Variants in PADI6 observed in about 807,000 individuals in gnomAD.
The protein encoded by PADI6 is inactive protein-arginine deiminase type-6.
Under a neutral mutation model 78.2 loss-of-function variants are expected in PADI6, and 66 were observed. That is an observed-to-expected ratio of 0.84 (90% CI 0.69 to 1.04). The LOEUF (loss-of-function observed/expected upper bound fraction) is 1.04. Ranked by LOEUF, PADI6 falls within the 50% of genes least tolerant of loss-of-function variation. The pLI is 0.00. For missense variants in PADI6, 854 were observed against 866.1 expected (o/e 0.99, Z 0.18); for synonymous variants, 397 against 346.9 (o/e 1.14, Z -1.60).
intron 3 of PADI6, 38 bp downstream of exon 3, chr1:17,375,537 C>T (rs1162959532): frequency 6.5e-7 from 1 of 1,547,698 alleles, no homozygotes; most frequent in Middle Eastern, 1.7e-4. Flanking sequence ...GGGCCCAACT[C>T]ACCGCTGGGG....
chr1:17,382,208 C>T, intron 6 of PADI6, 116 bp downstream of exon 6: 1 of 1,292,540 alleles, frequency 7.7e-7, no homozygotes, highest in Non-Finnish European at 1.1e-6. Context: ...CCTAGAGCTG[C>T]AGATGAGAGG....
At chr1:17,398,974 G>C in intron 15 of PADI6, 127 bp downstream of exon 15, 1 of 1,078,438 alleles carries the variant, frequency 9.3e-7, no homozygotes, top group South Asian at 1.6e-5. Context: ...AAATGGGAGG[G>C]AGACCCCTTC....
At chr1:17,397,245 C>T (rs572581876) in intron 14 of PADI6, 104 bp downstream of exon 14, 97 of 1,240,670 alleles carry the variant, frequency 7.8e-5, no homozygotes, top group Middle Eastern at 2.2e-4. Context: ...TGTTGGGCGG[C>T]GGGGGGCAGC....
chr1:17,394,547 A>G (rs1557607952), intron 11 of PADI6, 93 bp downstream of exon 11: 6 of 1,349,192 alleles, frequency 4.4e-6, no homozygotes, highest in African/African-American at 1.5e-5. Flanking sequence ...TCAGCAGGTC[A>G]CACACACTGG....
intron 5 of PADI6, among the ~76,000 whole-genome samples, chr1:17,381,447 G>A (rs1274020842): frequency 6.6e-6 from 1 of 152,180 alleles, no homozygotes; most frequent in Non-Finnish European, 1.5e-5. Flanking sequence ...GTAAAATGGG[G>A]ATGATGCAGT....
In PADI6 at chr1:17,381,984, C is replaced by G. The variant is rs750559850; in HGVS notation, c.571C>G (p.Gln191Glu). The G allele has an allele frequency of 1.5e-5, 25 of 1,613,956 alleles. No homozygotes were observed. Among genetic ancestry groups the G allele is most frequent in the Non-Finnish European group, 2.1e-5 (25 of 1,179,852 alleles). ...IFSEEITNLS[Q>E]MTLNVQGPSC... is the part of the protein sequence containing the mutation. ...TTGCCCAGAAATAACGAATCTGTCC[C>G]AGATGACTCTGAATGTCCAAGGCCC... The change falls in exon 6 of 16, where the codon CAG (glutamine) becomes GAG (glutamate). Residue 191 changes from glutamine to glutamate, a missense_variant. By Grantham distance (29) the Gln-to-Glu change is conservative. Transcript: ENST00000619609.
Position 17,372,196 on chromosome 1 carries a change from G to A in PADI6, c.-50G>A, listed in dbSNP as rs1343158970. 15 of 1,524,462 alleles carry A rather than the reference G, an allele frequency of 9.8e-6. No homozygotes were observed. In the East Asian group the frequency reaches 3.2e-4, roughly 32 times the overall value. 94.4% of individuals were successfully genotyped at this position (1,524,462 alleles called of 1,614,324 possible). A position where few individuals can be genotyped will look rare whatever the true frequency, so the allele number is the denominator to read the frequency against. On this transcript the variant is annotated 5_prime_UTR_variant, in exon 1 of 16. Coordinates refer to ENST00000619609, the MANE Select transcript of PADI6 (RefSeq NM_207421.4). ...ACAGGGAAGGGCAGGGTGAGCCCTG[G>A]GGCGTCTGAGGCTGCTGTGCTGAGT... is the stretch of plus-strand genomic sequence containing the variant.
Position 17,397,080 on chromosome 1 carries a change from C to T in PADI6, c.1628C>T (p.Ala543Val), listed in dbSNP as rs1437646390. ...ADQLLSNGREAKTIDQLLADE... is the reference protein window; with the variant it reads ...ADQLLSNGREVKTIDQLLADE... ...CCGCTTCTTCCTACAGGAAGGGAAG[C>T]CAAAACCATCGACCAACTTCTGGCT... The change falls in exon 14 of 16, where the codon GCC becomes GTC. Residue 543 changes from alanine (A) to valine (V), a missense_variant. Coordinates refer to ENST00000619609, the MANE Select transcript of PADI6 (RefSeq NM_207421.4). 2.5e-6 allele frequency: 4 copies of T among 1,613,772 alleles called. No individual in the cohort carries two copies. The Admixed American group carries it at 6.7e-5, about 27-fold the overall frequency.
chr1:17,394,177 C>T (rs1203823200), intron 10 of PADI6, 95 bp downstream of exon 10: 21 of 1,518,000 alleles, frequency 1.4e-5, no homozygotes, highest in Non-Finnish European at 1.9e-5. Context: ...GGAGAGGGCC[C>T]AGGTGGCCTC....
chr1:17,388,582 T>TCC (rs1444438791), intron 7 of PADI6, 23 bp downstream of exon 7: 2 of 1,583,108 alleles, frequency 1.3e-6, no homozygotes, highest in Non-Finnish European at 1.7e-6. Flanking sequence ...AATAGATGGG[T>TCC]CCTCAGACTA....
chr1:17,401,395 G>T lies in PADI6; in HGVS notation c.2042G>T (p.Arg681Leu). The T allele has an allele frequency of 6.2e-7, 1 of 1,614,040 alleles. No homozygotes were observed. The highest frequency in any genetic ancestry group is 8.5e-7 in the Non-Finnish European group (1 of 1,179,898). The change falls in exon 16 of 16, where the codon CGC becomes CTC. Residue 681 changes from arginine to leucine, a missense_variant. By Grantham distance (102) the Arg-to-Leu change is moderately radical (BLOSUM62 -2). Coordinates refer to ENST00000619609, the MANE Select transcript of PADI6 (RefSeq NM_207421.4). Reference sequence around the variant, plus strand: ...GACATCTGTGCCTGTGCCAACATCCGCCGGGTGCCCTTTGCCTTCAAATGG... The same window carrying T: ...GACATCTGTGCCTGTGCCAACATCCTCCGGGTGCCCTTTGCCTTCAAATGG... Reference protein sequence around the residue: ...VGDICACANIRRVPFAFKWWK... With the variant: ...VGDICACANILRVPFAFKWWK...
chr1:17,381,312 C>G (rs1322932041), intron 5 of PADI6, 148 bp downstream of exon 5: 3 of 651,488 alleles, frequency 4.6e-6, no homozygotes, highest in Admixed American at 6.0e-5. Flanking sequence ...ACCTTTTGTC[C>G]TGAGTTGTAG....
chr1:17,378,038 T>TC (rs1430856529), intron 3 of PADI6, among the ~76,000 whole-genome samples: 2 of 152,230 alleles, frequency 1.3e-5, no homozygotes, highest in Non-Finnish European at 2.9e-5. Flanking sequence ...TGTTGGCCAC[T>TC]CTAACCCTTG....
intron 6 of PADI6, among the ~76,000 whole-genome samples, 197 bp downstream of exon 6, chr1:17,382,289 A>AT (rs1405276457): frequency 6.6e-6 from 1 of 152,146 alleles, no homozygotes; most frequent in Non-Finnish European, 1.5e-5. Context: ...ATCTGTACAC[A>AT]TGGGTGAGTT....
At chr1:17,390,681 C>T (rs2075173294) in intron 8 of PADI6, among the ~76,000 whole-genome samples, 1 of 151,908 alleles carries the variant, frequency 6.6e-6, no homozygotes, top group Non-Finnish European at 1.5e-5. Flanking sequence ...GGCAGGGCTC[C>T]TGGGGAGTGT....
rs1162541531 is a variant in PADI6, at chr1:17,398,607, T to A, written c.1690-79T>A. 25 of 885,348 alleles carry A rather than the reference T, an allele frequency of 2.8e-5. No homozygotes were observed. The South Asian group carries it at 4.1e-4, about 15-fold the overall frequency. 54.8% of individuals were successfully genotyped at this position (885,348 alleles called of 1,614,324 possible). On this transcript the variant is annotated intron_variant, in intron 14 of 15. Transcript: ENST00000619609. ...GTCAGGCCATCACCTACCTTCAGTA[T>A]GGAAGGAAACTGGTTTTAATTCCTG... is the stretch of plus-strand genomic sequence containing the variant.
chr1:17,397,215 A>C (rs2075255750), intron 14 of PADI6, 74 bp downstream of exon 14: 1 of 1,538,068 alleles, frequency 6.5e-7, no homozygotes, highest in Non-Finnish European at 8.9e-7. Flanking sequence ...GTTTCCACCC[A>C]CCCCTCCTGA....
intron 14 of PADI6, 47 bp downstream of exon 14, chr1:17,397,188 G>GGCAC: frequency 6.3e-7 from 1 of 1,594,384 alleles, no homozygotes; most frequent in Non-Finnish European, 8.6e-7. Context: ...AGCTGGTGCC[G>GGCAC]CAGGTCTTGC....
At chr1:17,380,852 C>G (rs1397317787) in intron 4 of PADI6, among the ~76,000 whole-genome samples, 195 bp from the exon 5 acceptor site, 1 of 152,188 alleles carries the variant, frequency 6.6e-6, no homozygotes, top group African/African-American at 2.4e-5. Flanking sequence ...AACCTAGCTT[C>G]TTTCCCTTCC....
Sources: gnomAD v4.1 joint callset for allele counts (sites outside exome capture counted in the v4.1 genomes callset) on GRCh38, gnomAD v4.1.1 for gene constraint, MANE v1.5 for transcripts, NCBI Gene and HGNC (gene_info 2026-07-23, HGNC 2026-07-21) for gene names.